CCDC12: variants seen among roughly 807,000 people sequenced by gnomAD.
The protein encoded by CCDC12 is coiled-coil domain containing 12, also known as coiled-coil domain-containing protein 12.
In CCDC12, 28 loss-of-function variants were observed where a neutral mutation model predicts 25.7. The ratio of observed to expected loss-of-function variants is 1.09; its 90% CI spans 0.81 to 1.50. CCDC12 has a LOEUF of 1.50. CCDC12 is among the 40% of genes most tolerant of loss of function. The probability of loss-of-function intolerance (pLI) is 0.00; values close to 1 mark genes in which losing one functional copy is unlikely to be tolerated. For missense variants in CCDC12, 198 were observed against 210.0 expected, an observed-to-expected ratio of 0.94 and a Z score of 0.35; for synonymous variants, 75 against 87.7, an observed-to-expected ratio of 0.86 and a Z score of 0.81.
intron 2 of CCDC12, among the ~76,000 whole-genome samples, chr3:46,939,700 A>G (rs1390802161): frequency 6.6e-6 from 1 of 152,186 alleles, no homozygotes; most frequent in East Asian, 1.9e-4. Context: ...CTCTAAGCAT[A>G]GAGCTGGTAG....
intron 1 of CCDC12, among the ~76,000 whole-genome samples, chr3:46,967,913 G>T (rs2034687727): frequency 6.6e-6 from 1 of 152,170 alleles, no homozygotes; most frequent in Admixed American, 6.5e-5. Context: ...AAGAATGCAT[G>T]AATTTATAGG....
intron 5 of CCDC12, 105 bp from the exon 6 acceptor site, chr3:46,922,417 T>A: frequency 7.7e-7 from 1 of 1,293,548 alleles, no homozygotes; most frequent in Non-Finnish European, 1.1e-6. Flanking sequence ...TCATGCTCGG[T>A]TGCTGGAGGG....
At chr3:46,979,609 G>A, upstream of CCDC12, 1 of 289,700 alleles carries the variant, frequency 3.5e-6, no homozygotes, top group Non-Finnish European at 6.4e-6. Flanking sequence ...CATGGTCCCA[G>A]GAGAGGCGGG....
chr3:46,980,859 G>A (rs889840693), upstream of CCDC12, among the ~76,000 whole-genome samples: 4 of 152,196 alleles, frequency 2.6e-5, no homozygotes, highest in African/African-American at 9.6e-5. Context: ...GCACCTGCCT[G>A]GCATCATGCT....
At chr3:46,958,971 A>G (rs967108668) in intron 1 of CCDC12, among the ~76,000 whole-genome samples, 6 of 152,214 alleles carry the variant, frequency 3.9e-5, no homozygotes, top group African/African-American at 1.4e-4. Context: ...CACAGCAACA[A>G]AATGTGCTGA....
chr3:46,980,375 G>A (rs1380966251), upstream of CCDC12, among the ~76,000 whole-genome samples: 1 of 152,148 alleles, frequency 6.6e-6, no homozygotes, highest in East Asian at 1.9e-4. Context: ...GTCTGGGGGT[G>A]TGGGCCAAGG....
intron 1 of CCDC12, among the ~76,000 whole-genome samples, chr3:46,975,521 CTTTTCTT>C (rs1559569499): frequency 1.5e-5 from 2 of 132,590 alleles, no homozygotes; most frequent in Non-Finnish European, 3.1e-5. Flanking sequence ...AGAAATAAAT[CTTTTCTT>C]TTTTTTTTTT....
intron 1 of CCDC12, among the ~76,000 whole-genome samples, chr3:46,963,241 T>G (rs998284029): frequency 1.3e-5 from 2 of 152,244 alleles, no homozygotes. Context: ...ATGGGCATGT[T>G]CACCTTAGGA....
rs372402534 is a variant in CCDC12 at position 46,960,361 on chromosome 3, C to T, written c.96+16276G>A. Among the ~76,000 whole-genome samples, 21 of 152,318 alleles carry T rather than the reference C, an allele frequency of 1.4e-4. 1 individual carries two copies. The highest frequency in any genetic ancestry group is 4.8e-4 in the African/African-American group (20 of 41,562). On this transcript the variant is annotated intron_variant, in intron 1 of 6. Transcript: ENST00000683445. ...GCTGCCTGAGTCATGGACTCCTGGG[C>T]CCAGGACAGGAAAGTCCTGCTTTAA...
upstream of CCDC12, chr3:46,976,835 T>C (rs996608173): frequency 2.6e-6 from 4 of 1,517,220 alleles, no homozygotes; most frequent in Non-Finnish European, 3.5e-6. Flanking sequence ...AATGAGAGAC[T>C]GGGAGGTCCT....
chr3:46,940,311 T>G (rs1289498385), intron 2 of CCDC12, among the ~76,000 whole-genome samples: 2 of 152,130 alleles, frequency 1.3e-5, no homozygotes, highest in African/African-American at 4.8e-5. Flanking sequence ...GTGCCTGCAA[T>G]CACGAGGGAA....
Position 46,923,601 on chromosome 3 carries a change from A to G in CCDC12, c.306+6T>C. 6.2e-7 allele frequency: 1 copy of G among 1,603,960 alleles called. No individual in the cohort carries two copies. Among genetic ancestry groups the G allele is most frequent in the Non-Finnish European group, 8.5e-7 (1 of 1,175,186 alleles). The stretch of plus-strand genomic sequence containing the variant: ...GCGAGGATGCCAGGGTGGTCCAGGC[A>G]CTCACCACCTCCTCGATGACGGGCT... On this transcript the variant is annotated splice_donor_region_variant and intron_variant, in intron 4 of 6. Transcript: ENST00000683445.
intron 1 of CCDC12, among the ~76,000 whole-genome samples, chr3:46,954,076 C>T (rs1221123354): frequency 1.3e-5 from 2 of 149,442 alleles, no homozygotes; most frequent in Non-Finnish European, 3.0e-5. Flanking sequence ...CTTCGTGTGG[C>T]ACCCAGAAAC....
chr3:46,967,544 G>A (rs1559565665), intron 1 of CCDC12, among the ~76,000 whole-genome samples: 2 of 152,138 alleles, frequency 1.3e-5, no homozygotes, highest in Non-Finnish European at 2.9e-5. Flanking sequence ...AGAACTCCCA[G>A]GTGGTGGTCT....
chr3:46,976,724 T>C lies in CCDC12; in HGVS notation c.9A>G (p.Ala3=), dbSNP rs936181. Residue 3 remains alanine (A), a synonymous_variant, in exon 1 of 7, where the codon GCA becomes GCG. Transcript: ENST00000683445. Reference sequence around the variant, plus strand: ...CTAGCCGGCCCACACCAGCCGTAGTTGCCTCCATCTTGCCCGCGTACGCCC... The same window carrying C: ...CTAGCCGGCCCACACCAGCCGTAGTCGCCTCCATCTTGCCCGCGTACGCCC... ME[A]TTAGVGRLEE... 0.99 allele frequency: 1,589,070 copies of C among 1,605,838 alleles called. 787,584 individuals carry two copies. Among genetic ancestry groups the C allele is most frequent in the East Asian group, 1 (44,257 of 44,258 alleles).
In CCDC12 at chr3:46,923,439, G is replaced by A. The variant is rs754514511; in HGVS notation, c.307-76C>T. 158 of 1,547,422 alleles carry A rather than the reference G, an allele frequency of 1.0e-4. 1 individual carries two copies. In the South Asian group the frequency reaches 1.8e-3, roughly 18 times the overall value. On this transcript the variant is annotated intron_variant, in intron 4 of 6. Transcript: ENST00000683445. ...GGGGGAGGGCAGGCTCGAGAAGGAG[G>A]GAAATGGGAGAAAGAGGAGGAGGAA...
intron 2 of CCDC12, among the ~76,000 whole-genome samples, chr3:46,937,502 GGAA>G (rs1341721364): frequency 1.3e-5 from 2 of 152,204 alleles, no homozygotes; most frequent in African/African-American, 4.8e-5. Context: ...CAGCAGCCGA[GGAA>G]GAAGGATGCT....
upstream of CCDC12, among the ~76,000 whole-genome samples, chr3:46,979,092 C>CAAA (rs1406211831): frequency 7.9e-5 from 12 of 152,194 alleles, no homozygotes; most frequent in African/African-American, 2.9e-4. Context: ...GGGAGCCCCT[C>CAAA]CACTGGAGCG....
chr3:46,942,427 TG>T (rs1305206638), intron 1 of CCDC12, among the ~76,000 whole-genome samples: 9 of 152,262 alleles, frequency 5.9e-5, no homozygotes, highest in Non-Finnish European at 1.2e-4. Flanking sequence ...CTCCTTCCAT[TG>T]GGAGCCTGCT....
Sources: gnomAD v4.1 joint callset for allele counts (sites outside exome capture counted in the v4.1 genomes callset) on GRCh38, gnomAD v4.1.1 for gene constraint, MANE v1.5 for transcripts, NCBI Gene and HGNC (gene_info 2026-07-23, HGNC 2026-07-21) for gene names.